Variants in NRG1 observed in about 807,000 individuals in gnomAD.
NRG1 encodes neuregulin 1, also known as pro-neuregulin-1, membrane-bound isoform.
NRG1 carries 18 observed loss-of-function variants against 63.8 expected under a neutral mutation model. The ratio of observed to expected loss-of-function variants is 0.28; its 90% confidence interval spans 0.19 to 0.42. NRG1 has a LOEUF of 0.42. Among genes scored for constraint, NRG1 ranks in the 10% least tolerant of loss-of-function variants. The pLI, the probability that NRG1 is intolerant of heterozygous loss-of-function variation, is 1.00. For missense variants in NRG1, 762 were observed against 814.7 expected, an observed-to-expected ratio of 0.94 and a Z score of 0.79; for synonymous variants, 302 against 301.3, an observed-to-expected ratio of 1.00 and a Z score of -0.02.
At chr8:32,095,263 A>G (rs762213697) in intron 1 of NRG1, among the ~76,000 whole-genome samples, 10 of 152,312 alleles carry the variant, frequency 6.6e-5, no homozygotes, top group Non-Finnish European at 1.0e-4. Context: ...AATATAAGAT[A>G]ACATGAGCAG....
intron 1 of NRG1, among the ~76,000 whole-genome samples, chr8:31,653,004 C>CT (rs1201293698): frequency 3.6e-5 from 3 of 83,406 alleles, no homozygotes; most frequent in Admixed American, 3.6e-4. Context: ...CCTCTCCTCT[C>CT]CTCCCCTCCC....
At chr8:32,329,550 A>G (rs971053168) in intron 1 of NRG1, among the ~76,000 whole-genome samples, 7 of 152,316 alleles carry the variant, frequency 4.6e-5, no homozygotes, top group Non-Finnish European at 8.8e-5. Flanking sequence ...TGACAGGTCA[A>G]TGCTGTAAAA....
chr8:32,136,876 G>A (rs777665439), intron 1 of NRG1: 2 of 152,046 alleles, frequency 1.3e-5, no homozygotes, highest in Admixed American at 6.6e-5. Flanking sequence ...AAAGAATTGG[G>A]CCTTATATAA....
intron 1 of NRG1, among the ~76,000 whole-genome samples, chr8:32,433,470 C>T (rs1051095035): frequency 4.6e-5 from 7 of 152,250 alleles, no homozygotes; most frequent in Middle Eastern, 3.4e-3. Context: ...GAACTTTTCC[C>T]TTTTGGGCTT....
chr8:32,732,607 G>A (rs1469361822), intron 6 of NRG1, among the ~76,000 whole-genome samples: 2 of 151,970 alleles, frequency 1.3e-5, no homozygotes, highest in Admixed American at 1.3e-4. Flanking sequence ...AAGTTAATAT[G>A]TTCTCCAAAT....
At chr8:32,611,064 A>T (rs1190785751) in intron 3 of NRG1, among the ~76,000 whole-genome samples, 1 of 152,134 alleles carries the variant, frequency 6.6e-6, no homozygotes, top group African/African-American at 2.4e-5. Flanking sequence ...AGAGAATAAT[A>T]GACTTTACTG....
chr8:32,504,654 A>G (rs999903402), intron 1 of NRG1, among the ~76,000 whole-genome samples: 1 of 152,204 alleles, frequency 6.6e-6, no homozygotes, highest in Non-Finnish European at 1.5e-5. Context: ...GATTTTAGCC[A>G]CAGGTCAGGT....
intron 1 of NRG1, among the ~76,000 whole-genome samples, chr8:32,578,351 C>CA (rs1464077591): frequency 6.6e-6 from 1 of 152,124 alleles, no homozygotes; most frequent in Non-Finnish European, 1.5e-5. Context: ...TCTTTAATCA[C>CA]AAAAAGCCAG....
At chr8:31,741,148 A>G (rs1026721094) in intron 1 of NRG1, among the ~76,000 whole-genome samples, 10 of 152,036 alleles carry the variant, frequency 6.6e-5, no homozygotes, top group African/African-American at 2.4e-4. Context: ...GTTCTCACTT[A>G]CAAGTGGGAG....
intron 1 of NRG1, among the ~76,000 whole-genome samples, chr8:31,940,357 A>G (rs112988030): frequency 0.041 from 6,250 of 152,218 alleles, 454 homozygotes; most frequent in African/African-American, 0.14. Context: ...ACTGAGTGAT[A>G]ATAGTGACAC....
At chr8:32,732,594 A>C (rs941754039) in intron 6 of NRG1, among the ~76,000 whole-genome samples, 2 of 152,158 alleles carry the variant, frequency 1.3e-5, no homozygotes, top group Non-Finnish European at 2.9e-5. Flanking sequence ...TATTTATAAC[A>C]TGAAGTTAAT....
At chr8:31,831,383 A>G (rs4613955) in intron 1 of NRG1, among the ~76,000 whole-genome samples, 151,931 of 152,284 alleles carry the variant, frequency 1, 75,789 homozygotes, top group Middle Eastern at 1. Flanking sequence ...GATTACAAAT[A>G]TGAGCCACCG....
intron 1 of NRG1, among the ~76,000 whole-genome samples, chr8:31,869,057 T>G (rs866589334): frequency 3.3e-5 from 5 of 152,316 alleles, no homozygotes; most frequent in Middle Eastern, 6.8e-3. Context: ...TCCAGTTAAA[T>G]TAGCTTAAAA....
At chr8:31,784,902 C>T (rs1474164440) in intron 1 of NRG1, among the ~76,000 whole-genome samples, 1 of 152,192 alleles carries the variant, frequency 6.6e-6, no homozygotes, top group African/African-American at 2.4e-5. Context: ...CACGAGGAAG[C>T]TTCCAATGTT....
chr8:32,597,021 CT>C (rs1843479129), intron 2 of NRG1, among the ~76,000 whole-genome samples: 1 of 152,188 alleles, frequency 6.6e-6, no homozygotes, highest in Non-Finnish European at 1.5e-5. Flanking sequence ...TTCTTATTTA[CT>C]TCCTTACTTA....
chr8:32,562,808 A>G (rs148932740), intron 1 of NRG1, among the ~76,000 whole-genome samples: 1,666 of 152,324 alleles, frequency 0.011, 14 homozygotes, highest in Non-Finnish European at 0.018. Flanking sequence ...GGCAGCAGTC[A>G]AGAAGACAGA....
At chr8:32,350,783 A>G (rs1406270240) in intron 1 of NRG1, among the ~76,000 whole-genome samples, 1 of 152,128 alleles carries the variant, frequency 6.6e-6, no homozygotes, top group African/African-American at 2.4e-5. Flanking sequence ...ATAATATAAG[A>G]TTGTAATAAA....
chr8:32,718,931 A>G lies in NRG1; in HGVS notation c.503-9018A>G, dbSNP rs145119490. ...TCTTGATGGTTACTACTGGTATCCAACCATATCATCTCCAGATCGTGATTA... is the reference window on the plus strand; with the variant it reads ...TCTTGATGGTTACTACTGGTATCCAGCCATATCATCTCCAGATCGTGATTA... On this transcript the variant is annotated intron_variant, in intron 5 of 11. Transcript: ENST00000356819. Among the ~76,000 whole-genome samples the G allele has an allele frequency of 2.1e-3, 326 of 152,254 alleles. 1 individual carries two copies. Among genetic ancestry groups the G allele is most frequent in the African/African-American group, 7.7e-3 (319 of 41,572 alleles).
chr8:32,073,587 C>T (rs1028556911), intron 1 of NRG1, among the ~76,000 whole-genome samples: 1 of 152,056 alleles, frequency 6.6e-6, no homozygotes, highest in Non-Finnish European at 1.5e-5. Flanking sequence ...GTGTCTAATA[C>T]CACCGTTGTT....
Sources: allele counts gnomAD v4.1 joint callset (sites outside exome capture counted in the v4.1 genomes callset), GRCh38; gene constraint gnomAD v4.1.1; transcripts MANE v1.5; gene names NCBI Gene and HGNC (gene_info 2026-07-23, HGNC 2026-07-21).